Variants in PALD1 observed in about 807,000 individuals in gnomAD.
PALD1 encodes the protein phosphatase domain containing paladin 1.
Under a neutral mutation model 96.0 loss-of-function variants are expected in PALD1, and 57 were observed. That is an observed-to-expected ratio of 0.59 (90% CI 0.48 to 0.74). The LOEUF (loss-of-function observed/expected upper bound fraction) is 0.74, where lower values mean the gene tolerates loss of function less well. PALD1 is among the 30% of genes least tolerant of loss of function. The probability of loss-of-function intolerance (pLI) is 0.00; values close to 1 mark genes in which losing one functional copy is unlikely to be tolerated. For synonymous variants in PALD1, 464 were observed against 473.6 expected, an observed-to-expected ratio of 0.98 and a Z score of 0.26; for missense variants, 1,063 against 1,143.7, an observed-to-expected ratio of 0.93 and a Z score of 1.02.
At chr10:70,533,129 G>T in intron 7 of PALD1, 59 bp downstream of exon 7, 1 of 1,399,136 alleles carries the variant, frequency 7.1e-7, no homozygotes, top group Non-Finnish European at 9.9e-7. Flanking sequence ...CCATGGAGGT[G>T]CTCAGGGTGG....
chr10:70,516,027 C>A (rs1846613379), intron 1 of PALD1, among the ~76,000 whole-genome samples: 1 of 152,172 alleles, frequency 6.6e-6, no homozygotes, highest in Non-Finnish European at 1.5e-5. Context: ...TGGGCTCAGC[C>A]CTGAGTACCC....
chr10:70,537,179 C>T (rs777621192), intron 10 of PALD1, among the ~76,000 whole-genome samples: 7 of 151,924 alleles, frequency 4.6e-5, no homozygotes, highest in Admixed American at 3.3e-4. Flanking sequence ...GAGATCATAG[C>T]TCACTGGAGC....
At chr10:70,508,854 T>TGTGTGTGTGTGTGTGTGC (rs1406004914) in intron 1 of PALD1, among the ~76,000 whole-genome samples, 3 of 122,354 alleles carry the variant, frequency 2.5e-5, no homozygotes, top group Admixed American at 8.1e-5. Context: ...TGTGTGTGTG[T>TGTGTGTGTGTGTGTGTGC]GTGCAGGCCT....
chr10:70,488,900 A>G (rs562112196), intron 1 of PALD1, among the ~76,000 whole-genome samples: 188 of 149,366 alleles, frequency 1.3e-3, no homozygotes, highest in African/African-American at 4.1e-3. Flanking sequence ...GGGTGGATGT[A>G]TCCTCCTGCT....
At chr10:70,563,704 T>C (rs1847785817) in intron 18 of PALD1, among the ~76,000 whole-genome samples, 1 of 152,208 alleles carries the variant, frequency 6.6e-6, no homozygotes, top group Non-Finnish European at 1.5e-5. Flanking sequence ...ACCTTTGGGC[T>C]CAGAGGCCAA....
intron 3 of PALD1, among the ~76,000 whole-genome samples, chr10:70,529,664 G>T (rs1213289774): frequency 6.6e-6 from 1 of 152,168 alleles, no homozygotes; most frequent in Non-Finnish European, 1.5e-5. Context: ...CTCTGGAGGA[G>T]TTGTCTTTCC....
the PALD1 span, among the ~76,000 whole-genome samples, chr10:70,470,571 A>ATTATTTTTTATTATATAATAAATAC: frequency 1.4e-5 from 2 of 142,216 alleles, no homozygotes; most frequent in East Asian, 3.9e-4. Context: ...ATAATAAATA[A>ATTATTTTTTATTATATAATAAATAC]TATTATTTTT....
rs757603274 is a variant in PALD1 at position 70,564,501 on chromosome 10, C to T, written c.2400C>T (p.Phe800=). The change falls in exon 19 of 20, where the codon TTC becomes TTT. Residue 800 remains phenylalanine (F), a synonymous_variant. Coordinates refer to ENST00000263563, the MANE Select transcript of PALD1 (RefSeq NM_014431.3). ...AGGCCGACTCCTGGCAGAGGCCCTT[C>T]AGCACCTGGATGCAGGAGGTGAGGG... The part of the protein sequence containing the change: ...LEKADSWQRP[F]STWMQEVASK... 2 of 1,613,750 alleles carry T rather than the reference C, an allele frequency of 1.2e-6. No individual in the cohort carries two copies. Among genetic ancestry groups the T allele is most frequent in the African/African-American group, 2.7e-5 (2 of 74,942 alleles).
At chr10:70,560,426 T>TAAAC (rs71472979) in intron 18 of PALD1, among the ~76,000 whole-genome samples, 47,704 of 151,630 alleles carry the variant, frequency 0.31, 7,764 homozygotes, top group South Asian at 0.4. Context: ...AAGCATGTGC[T>TAAAC]AAACAAACAA....
At chr10:70,532,886 C>T in intron 6 of PALD1, 105 bp downstream of exon 6, 2 of 1,506,514 alleles carry the variant, frequency 1.3e-6, no homozygotes, top group South Asian at 2.3e-5. Context: ...TCCCCCACAC[C>T]CATGTCTCCC....
At chr10:70,516,805 T>A (rs1199140001) in intron 1 of PALD1, among the ~76,000 whole-genome samples, 4 of 152,152 alleles carry the variant, frequency 2.6e-5, no homozygotes, top group Non-Finnish European at 4.4e-5. Flanking sequence ...GCAATCCTCC[T>A]GACTCGACCT....
intron 1 of PALD1, among the ~76,000 whole-genome samples, chr10:70,481,483 T>G (rs1483794374): frequency 6.6e-6 from 1 of 152,244 alleles, no homozygotes; most frequent in Non-Finnish European, 1.5e-5. Flanking sequence ...TCTCCACCTC[T>G]GCATTACAAG....
chr10:70,466,764 T>A, the PALD1 span, among the ~76,000 whole-genome samples: 84 of 152,218 alleles, frequency 5.5e-4, no homozygotes, highest in African/African-American at 2.0e-3. Context: ...TGAGAGAATG[T>A]GGAACACTCT....
At chr10:70,565,885 C>T (rs1307047457) in intron 19 of PALD1, among the ~76,000 whole-genome samples, 5 of 152,120 alleles carry the variant, frequency 3.3e-5, no homozygotes, top group African/African-American at 1.2e-4. Flanking sequence ...ATCCCCTCCC[C>T]AGCTGAATCC....
In PALD1 at chr10:70,540,378, G is replaced by A. The variant is rs114768596; in HGVS notation, c.1908+616G>A. Among the ~76,000 whole-genome samples the A allele has an allele frequency of 8.0e-3, 1,218 of 151,876 alleles. 14 individuals carry two copies. Among genetic ancestry groups the A allele is most frequent in the African/African-American group, 0.028 (1,144 of 41,394 alleles). On this transcript the variant is annotated intron_variant, in intron 15 of 19. Coordinates refer to ENST00000263563, the MANE Select transcript of PALD1 (RefSeq NM_014431.3). The surrounding 1 kb of genome is among the most constrained non-coding windows in gnomAD (Gnocchi z 4.2). ...TGTGGAAAACCATCTTTAGGGGAGTGGTGTGGTGTGTGGTAGGGTTTGTGG... is the reference window on the plus strand; with the variant it reads ...TGTGGAAAACCATCTTTAGGGGAGTAGTGTGGTGTGTGGTAGGGTTTGTGG...
At chr10:70,469,322 G>A in the PALD1 span, among the ~76,000 whole-genome samples, 1 of 152,202 alleles carries the variant, frequency 6.6e-6, no homozygotes, top group African/African-American at 2.4e-5. Context: ...GAGCCTGGGA[G>A]TCTGTCGTGT....
intron 18 of PALD1, among the ~76,000 whole-genome samples, chr10:70,557,187 G>A (rs1847628637): frequency 6.6e-6 from 1 of 152,190 alleles, no homozygotes; most frequent in African/African-American, 2.4e-5. Context: ...TTGGCCTGCT[G>A]GACCCCTGTT....
chr10:70,555,662 G>A (rs1040998811), intron 18 of PALD1, among the ~76,000 whole-genome samples: 1 of 152,208 alleles, frequency 6.6e-6, no homozygotes. Context: ...AGACCAGAGA[G>A]CTCTGGCTCT....
At chr10:70,532,972 G>A in intron 6 of PALD1, 23 bp from the exon 7 acceptor site, 1 of 1,566,168 alleles carries the variant, frequency 6.4e-7, no homozygotes, top group Non-Finnish European at 8.7e-7. Context: ...CCTGCCTGAT[G>A]GCTGCTCTCC....
Sources: gnomAD v4.1 joint callset for allele counts (sites outside exome capture counted in the v4.1 genomes callset) on GRCh38, gnomAD v4.1.1 for gene constraint, Gnocchi (gnomAD v3.1) non-coding constraint, MANE v1.5 for transcripts, NCBI Gene and HGNC (gene_info 2026-07-23, HGNC 2026-07-21) for gene names.